Variants in ESRRG observed in about 807,000 individuals in gnomAD.
ESRRG encodes estrogen-related receptor gamma.
In ESRRG, 13 loss-of-function variants were observed where a neutral mutation model predicts 44.0. That is an observed-to-expected ratio of 0.30 (90% CI 0.19 to 0.47). ESRRG has a LOEUF of 0.47. ESRRG is among the 20% of genes least tolerant of loss of function. ESRRG has a pLI of 1.00. For synonymous variants in ESRRG, 215 were observed against 214.6 expected (o/e 1.00, Z -0.02); for missense variants, 395 against 580.6 (o/e 0.68, Z 3.29).
At chr1:216,843,766 G>T (rs2095691524) in intron 2 of ESRRG, among the ~76,000 whole-genome samples, 1 of 152,052 alleles carries the variant, frequency 6.6e-6, no homozygotes, top group African/African-American at 2.4e-5. Context: ...CCACATTACT[G>T]TAATTGGGTA....
chr1:216,560,068 A>G (rs1432957897), intron 5 of ESRRG, among the ~76,000 whole-genome samples: 2 of 152,174 alleles, frequency 1.3e-5, no homozygotes, highest in African/African-American at 4.8e-5. Flanking sequence ...TTCAGGGCAA[A>G]TAGTAAATAT....
At chr1:216,576,558 T>C (rs753254571) in intron 3 of ESRRG, among the ~76,000 whole-genome samples, 28 of 152,062 alleles carry the variant, frequency 1.8e-4, no homozygotes, top group Non-Finnish European at 3.4e-4. Flanking sequence ...CAAAATACAG[T>C]TGTGGATTTC....
At chr1:216,511,112 G>A (rs947416523) in intron 6 of ESRRG, among the ~76,000 whole-genome samples, 2 of 151,992 alleles carry the variant, frequency 1.3e-5, no homozygotes, top group East Asian at 1.9e-4. Flanking sequence ...TCTGTGAAAC[G>A]CAGGACTTGA....
intron 1 of ESRRG, among the ~76,000 whole-genome samples, chr1:216,704,350 C>A (rs1212447272): frequency 6.6e-6 from 1 of 152,136 alleles, no homozygotes; most frequent in Non-Finnish European, 1.5e-5. Context: ...CCTATCTCTA[C>A]TAAAAATACA....
At chr1:216,571,425 A>G (rs937154019) in intron 3 of ESRRG, among the ~76,000 whole-genome samples, 4 of 152,188 alleles carry the variant, frequency 2.6e-5, no homozygotes, top group African/African-American at 9.7e-5. Flanking sequence ...CCTGGGCAAC[A>G]AGAGTGAAAC....
intron 5 of ESRRG, among the ~76,000 whole-genome samples, chr1:216,543,266 G>C (rs747015234): frequency 1.3e-5 from 2 of 151,930 alleles, no homozygotes; most frequent in Non-Finnish European, 2.9e-5. Flanking sequence ...TTCCAAACCT[G>C]CCTTCAAGAT....
intron 3 of ESRRG, among the ~76,000 whole-genome samples, chr1:216,633,000 G>A (rs1012130800): frequency 6.6e-6 from 1 of 152,056 alleles, no homozygotes; most frequent in African/African-American, 2.4e-5. Flanking sequence ...GAGAGAGAGA[G>A]GGAGATCTCA....
At chr1:216,716,355 A>G (rs1175590127) in intron 1 of ESRRG, among the ~76,000 whole-genome samples, 1 of 152,040 alleles carries the variant, frequency 6.6e-6, no homozygotes, top group Non-Finnish European at 1.5e-5. Context: ...TTTTCATTAC[A>G]TTTATACTAG....
chr1:216,705,303 G>C (rs1391272325), intron 1 of ESRRG, among the ~76,000 whole-genome samples: 2 of 151,528 alleles, frequency 1.3e-5, no homozygotes, highest in Non-Finnish European at 2.9e-5. Flanking sequence ...CCACATAAAC[G>C]AATATAATTG....
At chr1:216,581,312 ATATATG>A (rs1242484099) in intron 3 of ESRRG, among the ~76,000 whole-genome samples, 35 of 152,214 alleles carry the variant, frequency 2.3e-4, no homozygotes, top group African/African-American at 8.0e-4. Flanking sequence ...ATGTATAGAT[ATATATG>A]TATACCTCTG....
intron 1 of ESRRG, among the ~76,000 whole-genome samples, chr1:216,968,943 C>A (rs1413770127): frequency 6.6e-6 from 1 of 152,046 alleles, no homozygotes; most frequent in Non-Finnish European, 1.5e-5. Flanking sequence ...TAGATTTATA[C>A]TCAAGTGTTT....
At chr1:216,759,579 C>T (rs2092657983) in intron 2 of ESRRG, among the ~76,000 whole-genome samples, 1 of 152,032 alleles carries the variant, frequency 6.6e-6, no homozygotes, top group Non-Finnish European at 1.5e-5. Context: ...TATTGGAAGG[C>T]AGAAATCAAA....
At chr1:216,564,579 T>C (rs1459194653) in intron 4 of ESRRG, among the ~76,000 whole-genome samples, 199 bp from the exon 5 acceptor site, 5 of 150,346 alleles carry the variant, frequency 3.3e-5, no homozygotes, top group African/African-American at 1.2e-4. Context: ...GCAGTCGTGA[T>C]AGAATGTAGT....
intron 1 of ESRRG, among the ~76,000 whole-genome samples, chr1:216,963,107 C>T (rs11587690): frequency 0.14 from 21,271 of 152,152 alleles, 1,987 homozygotes; most frequent in East Asian, 0.22. Flanking sequence ...AGATGATGTG[C>T]TTAAAGCACT....
At chr1:217,035,215 G>A (rs536711089) in intron 1 of ESRRG, among the ~76,000 whole-genome samples, 1 of 151,548 alleles carries the variant, frequency 6.6e-6, no homozygotes, top group Non-Finnish European at 1.5e-5. Context: ...GCCTGGTGCA[G>A]TGGCTCACAC....
At chr1:216,868,151 G>T (rs778731674) in intron 2 of ESRRG, among the ~76,000 whole-genome samples, 2 of 143,264 alleles carry the variant, frequency 1.4e-5, no homozygotes, top group Non-Finnish European at 3.0e-5. Context: ...GGAATGGAGC[G>T]ATCTGGGCTC....
At chr1:216,570,066 A>G (rs6682620) in intron 3 of ESRRG, among the ~76,000 whole-genome samples, 1,774 of 152,330 alleles carry the variant, frequency 0.012, 38 homozygotes, top group African/African-American at 0.04. Flanking sequence ...GTTAAAGATT[A>G]TTAGGAAAAC....
intron 1 of ESRRG, among the ~76,000 whole-genome samples, chr1:216,720,538 A>T (rs2086011647): frequency 6.6e-6 from 1 of 152,140 alleles, no homozygotes; most frequent in Non-Finnish European, 1.5e-5. Flanking sequence ...TTCCCTAAAA[A>T]AAAGGCATCC....
At chr1:216,783,562 C>T (rs779737882) in intron 2 of ESRRG, among the ~76,000 whole-genome samples, 2 of 151,998 alleles carry the variant, frequency 1.3e-5, no homozygotes, top group South Asian at 4.1e-4. Context: ...AATATATCTT[C>T]TCGTGCTAAA....
Sources: gnomAD v4.1 joint callset for allele counts (sites outside exome capture counted in the v4.1 genomes callset) on GRCh38, gnomAD v4.1.1 for gene constraint, MANE v1.5 for transcripts, NCBI Gene and HGNC (gene_info 2026-07-23, HGNC 2026-07-21) for gene names.